The following FOXP1 variants were observed in gnomAD, a reference collection of about 807,000 sequenced individuals.
FOXP1 encodes forkhead box P1, also known as forkhead box protein P1.
In FOXP1, 15 loss-of-function variants were observed where a neutral mutation model predicts 98.2. The ratio of observed to expected loss-of-function variants is 0.15; its 90% CI spans 0.10 to 0.24. The LOEUF is 0.24. Ranked by LOEUF, FOXP1 falls within the 10% of genes least tolerant of loss-of-function variation. The pLI is 1.00. For synonymous variants in FOXP1, 371 were observed against 314.5 expected (o/e 1.18, Z -1.90); for missense variants, 633 against 848.5 (o/e 0.75, Z 3.15).
chr3:71,326,119 A>G (rs2075675964), intron 4 of FOXP1, among the ~76,000 whole-genome samples: 1 of 152,176 alleles, frequency 6.6e-6, no homozygotes, highest in Admixed American at 6.5e-5. Context: ...CATTTTTTAC[A>G]TGAAATATTA....
At chr3:71,493,020 G>A (rs1447855488) in intron 3 of FOXP1, among the ~76,000 whole-genome samples, 1 of 151,938 alleles carries the variant, frequency 6.6e-6, no homozygotes, top group Admixed American at 6.6e-5. Flanking sequence ...GTTTGGGATA[G>A]GACTCTCTCA....
chr3:71,527,923 C>G (rs1309154298), intron 2 of FOXP1, among the ~76,000 whole-genome samples: 3 of 152,148 alleles, frequency 2.0e-5, no homozygotes, highest in Non-Finnish European at 4.4e-5. Context: ...TATTTATTTG[C>G]TCACTATCCC....
At chr3:70,973,156 T>C (rs2036649451) in intron 17 of FOXP1, among the ~76,000 whole-genome samples, 1 of 152,314 alleles carries the variant, frequency 6.6e-6, no homozygotes, top group African/African-American at 2.4e-5. Flanking sequence ...AGAGGTCCTA[T>C]GAAGAATTCT....
intron 3 of FOXP1, among the ~76,000 whole-genome samples, chr3:71,368,029 GC>G (rs1394939564): frequency 9.2e-5 from 14 of 152,242 alleles, no homozygotes; most frequent in Non-Finnish European, 1.5e-5. Flanking sequence ...CATAAGGACT[GC>G]ATGCTACAGC....
intron 11 of FOXP1, among the ~76,000 whole-genome samples, chr3:71,040,619 A>C (rs2048214406): frequency 6.6e-6 from 1 of 152,188 alleles, no homozygotes; most frequent in South Asian, 2.1e-4. Context: ...GCTTCAAGTA[A>C]CATTCATGTA....
intron 5 of FOXP1, among the ~76,000 whole-genome samples, chr3:71,224,279 A>T (rs2065653899): frequency 6.6e-6 from 1 of 152,072 alleles, no homozygotes; most frequent in Non-Finnish European, 1.5e-5. Flanking sequence ...GCATACAGGG[A>T]CTCAGCATGG....
At chr3:71,053,572 A>T (rs2050202172) in intron 8 of FOXP1, 64 bp downstream of exon 8, 3 of 1,601,022 alleles carry the variant, frequency 1.9e-6, no homozygotes, top group Non-Finnish European at 2.6e-6. Context: ...GAGATTGCGA[A>T]TGGAGTGATG....
intron 2 of FOXP1, among the ~76,000 whole-genome samples, chr3:71,495,613 C>A (rs1198323877): frequency 3.3e-5 from 5 of 152,144 alleles, no homozygotes; most frequent in Non-Finnish European, 7.3e-5. Context: ...TTATTTCATT[C>A]TATTCTTACA....
chr3:71,409,278 A>G (rs2082557423), intron 3 of FOXP1, among the ~76,000 whole-genome samples: 1 of 152,176 alleles, frequency 6.6e-6, no homozygotes, highest in East Asian at 1.9e-4. Context: ...CAAGAGAAAC[A>G]TTATATAGTG....
At chr3:71,212,497 C>T (rs1021155504) in intron 5 of FOXP1, among the ~76,000 whole-genome samples, 10 of 152,174 alleles carry the variant, frequency 6.6e-5, no homozygotes, top group South Asian at 4.1e-4. Flanking sequence ...ATGGGTATTA[C>T]GCTTGTAGAA....
At chr3:71,441,843 TC>T (rs1387345551) in intron 3 of FOXP1, among the ~76,000 whole-genome samples, 2 of 152,192 alleles carry the variant, frequency 1.3e-5, no homozygotes, top group African/African-American at 4.8e-5. Context: ...TGGCAGCCTA[TC>T]AACCCCACTC....
rs145560247 is a variant in FOXP1, at chr3:71,531,386, A to G, written c.-297-37831T>C. ...TCGGCCTGGCTCCAGTTACAGCTGT[A>G]AACTACTGCTATTCTACGGGAAGAA... On this transcript the variant is annotated intron_variant, in intron 2 of 20. Coordinates refer to ENST00000649528, the MANE Select transcript of FOXP1 (RefSeq NM_001349338.3). 4.6e-3 allele frequency among the ~76,000 whole-genome samples: 699 copies of G among 152,340 alleles called. 6 individuals carry two copies. The highest frequency in any genetic ancestry group is 0.016 in the African/African-American group (661 of 41,576).
intron 9 of FOXP1, among the ~76,000 whole-genome samples, chr3:71,048,285 T>G (rs1435583269): frequency 6.6e-6 from 1 of 152,224 alleles, no homozygotes; most frequent in African/African-American, 2.4e-5. Flanking sequence ...ATAACTATAC[T>G]TTACAAACAA....
chr3:71,273,364 C>T (rs556242170), intron 5 of FOXP1, among the ~76,000 whole-genome samples: 40 of 152,282 alleles, frequency 2.6e-4, no homozygotes, highest in African/African-American at 8.2e-4. Context: ...CCACTGTAAC[C>T]GAATTGGACT....
At chr3:71,051,116 G>C (rs1282705098) in intron 9 of FOXP1, among the ~76,000 whole-genome samples, 1 of 152,188 alleles carries the variant, frequency 6.6e-6, no homozygotes, top group Non-Finnish European at 1.5e-5. Context: ...ACAAAGCTGA[G>C]AGCCTTCTGC....
intron 5 of FOXP1, among the ~76,000 whole-genome samples, chr3:71,216,969 C>T (rs911236025): frequency 2.6e-5 from 4 of 152,102 alleles, no homozygotes; most frequent in African/African-American, 4.8e-5. Flanking sequence ...CACAGCAGAG[C>T]CCCTACAGTA....
In FOXP1 at chr3:71,038,544, G is replaced by C. The variant is rs1447134965; in HGVS notation, c.869+2784C>G. On this transcript the variant is annotated intron_variant, in intron 11 of 20. Coordinates refer to ENST00000649528, the MANE Select transcript of FOXP1 (RefSeq NM_001349338.3). ...ACCATACCTTTATAGTGACAGCTTT[G>C]TTTTGGTATTTAACTGGTTATCACA... Among the ~76,000 whole-genome samples the C allele has an allele frequency of 3.3e-5, 5 of 152,172 alleles. No individual in the cohort carries two copies. In the East Asian group the frequency reaches 9.6e-4, roughly 29 times the overall value.
At chr3:71,173,689 C>G (rs1400805671) in intron 6 of FOXP1, among the ~76,000 whole-genome samples, 1 of 152,078 alleles carries the variant, frequency 6.6e-6, no homozygotes, top group Admixed American at 6.6e-5. Context: ...GAGGTTATCT[C>G]CTGCATGGCT....
In FOXP1 at chr3:71,291,691, T is replaced by C. The variant is rs1397585643; in HGVS notation, c.-12+8129A>G. On this transcript the variant is annotated intron_variant, in intron 5 of 20. Transcript: ENST00000649528. ...ACATATTCTGATTTTTTTATTTTAC[T>C]GTATTGTATGCTTATTCTGTATTTT... is the stretch of plus-strand genomic sequence containing the variant. 2.6e-5 allele frequency among the ~76,000 whole-genome samples: 4 copies of C among 151,662 alleles called. No homozygotes were observed. The South Asian group carries it at 8.3e-4, about 31-fold the overall frequency.
Sources: allele counts gnomAD v4.1 joint callset (sites outside exome capture counted in the v4.1 genomes callset), GRCh38; gene constraint gnomAD v4.1.1; transcripts MANE v1.5; gene names NCBI Gene and HGNC (gene_info 2026-07-23, HGNC 2026-07-21).